Variants in TNFRSF10C observed in about 807,000 individuals in gnomAD.
TNFRSF10C encodes TNF receptor superfamily member 10c.
TNFRSF10C carries 17 observed loss-of-function variants against 16.7 expected under a neutral mutation model. The ratio of observed to expected loss-of-function variants is 1.02; its 90% confidence interval spans 0.70 to 1.53. The LOEUF is 1.53. TNFRSF10C is among the 40% of genes most tolerant of loss of function. The pLI, the probability that TNFRSF10C is intolerant of heterozygous loss-of-function variation, is 0.00. For missense variants in TNFRSF10C, 237 were observed against 329.7 expected, an observed-to-expected ratio of 0.72 and a Z score of 2.18; for synonymous variants, 73 against 119.7, an observed-to-expected ratio of 0.61 and a Z score of 2.55.
At chr8:23,115,149 C>T (rs1813954176) in intron 3 of TNFRSF10C, among the ~76,000 whole-genome samples, 1 of 150,128 alleles carries the variant, frequency 6.7e-6, no homozygotes, top group African/African-American at 2.4e-5. Flanking sequence ...CAGGCCCCTT[C>T]CTCCTCCCCA....
intron 4 of TNFRSF10C, 68 bp downstream of exon 4, chr8:23,115,684 C>T (rs566155267): frequency 7.7e-7 from 1 of 1,303,248 alleles, no homozygotes; most frequent in African/African-American, 1.5e-5. Flanking sequence ...ACCTGGTACC[C>T]CTATTTCTCC....
chr8:23,109,067 C>T (rs1039171040), intron 1 of TNFRSF10C, among the ~76,000 whole-genome samples: 1 of 152,032 alleles, frequency 6.6e-6, no homozygotes, highest in Non-Finnish European at 1.5e-5. Context: ...AAAAGTGGTG[C>T]GAAATAGCTA....
intron 1 of TNFRSF10C, among the ~76,000 whole-genome samples, chr8:23,108,768 C>T (rs1813823658): frequency 6.6e-6 from 1 of 152,150 alleles, no homozygotes; most frequent in Admixed American, 6.5e-5. Context: ...CTATCAACCA[C>T]CTTGATTTAA....
intron 1 of TNFRSF10C, among the ~76,000 whole-genome samples, chr8:23,107,055 T>C (rs574141200): frequency 6.6e-6 from 1 of 152,204 alleles, no homozygotes; most frequent in African/African-American, 2.4e-5. Flanking sequence ...TAATTCATAA[T>C]AGTCAATTGA....
intron 1 of TNFRSF10C, 111 bp downstream of exon 1, chr8:23,103,292 C>T (rs749350165): frequency 9.2e-6 from 14 of 1,522,596 alleles, no homozygotes; most frequent in Middle Eastern, 3.4e-4. Context: ...TGCGGCCGGG[C>T]ATGTCCGGGC....
At chr8:23,116,370 A>G (rs549799768) in intron 4 of TNFRSF10C, among the ~76,000 whole-genome samples, 2 of 152,290 alleles carry the variant, frequency 1.3e-5, no homozygotes, top group South Asian at 4.1e-4. Flanking sequence ...CTCCTAACGC[A>G]GGCCTCCTCT....
rs186489589 is a variant in TNFRSF10C at position 23,107,558 on chromosome 8, A to G, written c.61-4162A>G. Among the ~76,000 whole-genome samples, 265 of 152,366 alleles carry G rather than the reference A, an allele frequency of 1.7e-3. 1 individual carries two copies. Among genetic ancestry groups the G allele is most frequent in the Non-Finnish European group, 2.9e-3 (199 of 68,038 alleles). On this transcript the variant is annotated intron_variant, in intron 1 of 4. Transcript: ENST00000356864. ...ATAGAATGTAAACACTTGAGTGTAT[A>G]CTGTATTCCCTATAGCACTTGCACA... is the stretch of plus-strand genomic sequence containing the variant.
chr8:23,113,369 G>A (rs1033071278), intron 2 of TNFRSF10C, among the ~76,000 whole-genome samples: 1 of 152,074 alleles, frequency 6.6e-6, no homozygotes, highest in African/African-American at 2.4e-5. Context: ...AGAAACCATT[G>A]CCCAGACCAA....
In TNFRSF10C at chr8:23,116,648, A is replaced by C. The variant is rs544402235; in HGVS notation, c.397A>C (p.Ser133Arg). 6.2e-7 allele frequency: 1 copy of C among 1,613,482 alleles called. No individual in the cohort carries two copies. The highest frequency in any genetic ancestry group is 1.3e-5 in the African/African-American group (1 of 75,058). Reference sequence around the variant, plus strand: ...CTCTCTGTGTGTACCCAGGTGCCCTAGTGGGGAAGTCCAAGTCAGTAATTG... The same window carrying C: ...CTCTCTGTGTGTACCCAGGTGCCCTCGTGGGGAAGTCCAAGTCAGTAATTG... ...EMCRKCSRCP[S>R]GEVQVSNCTS... Residue 133 changes from serine (S) to arginine (R), a missense_variant, in exon 5 of 5, where the codon AGT becomes CGT. Around this residue, in one of 2 missense-constraint regions of TNFRSF10C, gnomAD observed 212 missense variants for 196.8 expected, o/e 1.08. Coordinates refer to ENST00000356864, the MANE Select transcript of TNFRSF10C (RefSeq NM_003841.5).
intron 1 of TNFRSF10C, among the ~76,000 whole-genome samples, chr8:23,108,509 T>C (rs1173498965): frequency 2.0e-5 from 3 of 152,210 alleles, no homozygotes; most frequent in Non-Finnish European, 4.4e-5. Context: ...GTCCTGCTCA[T>C]ACCTAACTAG....
rs1813706696 is a variant in TNFRSF10C, at chr8:23,103,365, C to T, written c.60+184C>T. On this transcript the variant is annotated intron_variant, in intron 1 of 4. Transcript: ENST00000356864. ...GTCCCCGGGCTGGGCAGGAGGGACC[C>T]GGCCGCGAGGGAGCAGAGAGGCGGT... 6 of 1,072,520 alleles carry T rather than the reference C, an allele frequency of 5.6e-6. No homozygotes were observed. In the South Asian group the frequency reaches 5.7e-5, roughly 10 times the overall value. 66.4% of individuals were successfully genotyped at this position (1,072,520 alleles called of 1,614,324 possible). A position where few individuals can be genotyped will look rare whatever the true frequency, so the allele number is the denominator to read the frequency against.
chr8:23,105,079 C>CTATCAAAG (rs1813751073), intron 1 of TNFRSF10C, among the ~76,000 whole-genome samples: 2 of 152,316 alleles, frequency 1.3e-5, no homozygotes, highest in Non-Finnish European at 2.9e-5. Flanking sequence ...ATTCCTCTCT[C>CTATCAAAG]TATCAAAGTA....
At chr8:23,106,264 A>G (rs1452714006) in intron 1 of TNFRSF10C, among the ~76,000 whole-genome samples, 3 of 151,864 alleles carry the variant, frequency 2.0e-5, no homozygotes, top group Admixed American at 2.0e-4. Context: ...AGATCTCACT[A>G]CCCTTGCCTC....
intron 4 of TNFRSF10C, among the ~76,000 whole-genome samples, 159 bp from the exon 5 acceptor site, chr8:23,116,482 A>G (rs1192430980): frequency 6.6e-6 from 1 of 152,182 alleles, no homozygotes. Flanking sequence ...ACCCTTCCCC[A>G]GCCTCAACGA....
chr8:23,113,778 C>G (rs553589568), intron 2 of TNFRSF10C, among the ~76,000 whole-genome samples: 1 of 152,156 alleles, frequency 6.6e-6, no homozygotes, highest in African/African-American at 2.4e-5. Flanking sequence ...ATCACTTTGG[C>G]TATTTGAGGT....
chr8:23,108,832 T>G (rs564589384), intron 1 of TNFRSF10C, among the ~76,000 whole-genome samples: 2 of 152,342 alleles, frequency 1.3e-5, no homozygotes, highest in South Asian at 4.1e-4. Flanking sequence ...TTCCTTTCTA[T>G]GCTCATGATA....
At chr8:23,108,686 A>G (rs1441778711) in intron 1 of TNFRSF10C, among the ~76,000 whole-genome samples, 2 of 152,324 alleles carry the variant, frequency 1.3e-5, no homozygotes, top group Admixed American at 1.3e-4. Flanking sequence ...AAAGAGATTA[A>G]CTCAGCTGTT....
chr8:23,115,080 C>G (rs1813952263), intron 3 of TNFRSF10C, among the ~76,000 whole-genome samples: 1 of 152,134 alleles, frequency 6.6e-6, no homozygotes, highest in African/African-American at 2.4e-5. Context: ...GGGCCAGGCT[C>G]TCTCCCCCAG....
chr8:23,114,201 G>A (rs1016506014), intron 2 of TNFRSF10C, among the ~76,000 whole-genome samples: 1 of 152,096 alleles, frequency 6.6e-6, no homozygotes, highest in South Asian at 2.1e-4. Flanking sequence ...GCGAAGACAG[G>A]GGGCCACTGT....
Sources: gnomAD v4.1 joint callset for allele counts (sites outside exome capture counted in the v4.1 genomes callset) on GRCh38, gnomAD v4.1.1 for gene constraint, gnomAD v4.1.1 regional missense constraint, MANE v1.5 for transcripts, NCBI Gene and HGNC (gene_info 2026-07-23, HGNC 2026-07-21) for gene names.